PHYKPL: variants seen among roughly 807,000 people sequenced by gnomAD.
PHYKPL encodes the protein 5-phosphonooxy-L-lysine phospho-lyase.
Under a neutral mutation model 51.3 loss-of-function variants are expected in PHYKPL, and 42 were observed. The ratio of observed to expected loss-of-function variants is 0.82; its 90% CI spans 0.64 to 1.06. PHYKPL has a LOEUF of 1.06. Among genes scored for constraint, PHYKPL ranks in the 50% least tolerant of loss-of-function variants. The pLI is 0.00. For missense variants in PHYKPL, 655 were observed against 586.6 expected (o/e 1.12, Z -1.20); for synonymous variants, 264 against 236.0 (o/e 1.12, Z -1.09).
chr5:178,211,795 G>A, intron 12 of PHYKPL, 95 bp downstream of exon 12: 2 of 815,160 alleles, frequency 2.5e-6, no homozygotes, highest in Non-Finnish European at 4.0e-6. Flanking sequence ...ACAAAAAAAA[G>A]TCTTAAAAAA....
rs2913859 is a variant in PHYKPL, at chr5:178,232,630, G to T, written c.-80C>A. ...GCTGGGCCTCCAAGGCCCCGCTCCG[G>T]GCCCCGCCCCTGCCTGGGTCGGGAT... On this transcript the variant is annotated 5_prime_UTR_variant, in exon 1 of 13. Transcript: ENST00000308158. The T allele has an allele frequency of 8.1e-7, 1 of 1,227,588 alleles. No homozygotes were observed. The highest frequency in any genetic ancestry group is 3.2e-5 in the East Asian group (1 of 31,000). 76.0% of individuals were successfully genotyped at this position (1,227,588 alleles called of 1,614,324 possible). A position where few individuals can be genotyped will look rare whatever the true frequency, so the allele number is the denominator to read the frequency against.
chr5:178,229,925 C>T lies in PHYKPL; in HGVS notation c.338+15G>A, dbSNP rs1763044909. ...GTCTCACCCTCTTCCCGGGGGCTGG[C>T]CACAGTCCACTTACCCAGAATTCAG... is the stretch of plus-strand genomic sequence containing the variant. On this transcript the variant is annotated intron_variant, in intron 3 of 12. Transcript: ENST00000308158. 21 of 1,611,186 alleles carry T rather than the reference C, an allele frequency of 1.3e-5. No homozygotes were observed. Among genetic ancestry groups the T allele is most frequent in the Non-Finnish European group, 1.7e-5 (20 of 1,177,582 alleles).
chr5:178,222,912 G>C lies in PHYKPL; in HGVS notation c.641C>G (p.Ser214Cys). Reference sequence around the variant, plus strand: ...GATCTGCCCTCCCACACTGGGCAGAGACTCAGCGAAGAAGGCTGCAATCTG... The same window carrying C: ...GATCTGCCCTCCCACACTGGGCAGACACTCAGCGAAGAAGGCTGCAATCTG... ...GRKIAAFFAESLPSVGGQIIP... is the reference protein window; with the variant it reads ...GRKIAAFFAECLPSVGGQIIP... The change falls in exon 7 of 13, where the codon TCT (serine) becomes TGT (cysteine). Residue 214 changes from serine (S) to cysteine (C), a missense_variant. Ser to Cys is a moderately radical substitution (Grantham distance 112). Transcript: ENST00000308158. The C allele has an allele frequency of 6.2e-7, 1 of 1,614,184 alleles. No homozygotes were observed. The highest frequency in any genetic ancestry group is 8.5e-7 in the Non-Finnish European group (1 of 1,180,028).
intron 11 of PHYKPL, 128 bp downstream of exon 11, chr5:178,212,845 C>T (rs1250533505): frequency 4.5e-6 from 6 of 1,324,192 alleles, no homozygotes; most frequent in Non-Finnish European, 6.1e-6. Context: ...TTGCTCCCTG[C>T]CCTGTCCAGA....
At chr5:178,209,032 C>T (rs1045835843) in intron 12 of PHYKPL, 117 bp from the exon 13 acceptor site, 1 of 354,306 alleles carries the variant, frequency 2.8e-6, no homozygotes, top group African/African-American at 2.1e-5. Context: ...AGCCTGTCCT[C>T]TGCTCCCCTG....
intron 6 of PHYKPL, chr5:178,223,827 A>C: frequency 3.1e-5 from 7 of 223,254 alleles, no homozygotes; most frequent in South Asian, 5.1e-5. Flanking sequence ...CTGCGCCTCC[A>C]CTCCATCTCC....
At position 178,224,526 on chromosome 5, in the gene PHYKPL, C is replaced by G; in HGVS notation, c.540G>C (p.Glu180Asp). ...AGGCCATAGCTGGGTTGGGGTGGTC[C>G]TCCCGGTAGGGGCCCCGGTAGGTGT... ...LPDTYRGPYR[E>D]DHPNPAMAYA... Residue 180 changes from glutamate (E) to aspartate (D), a missense_variant, in exon 6 of 13, where the codon GAG (glutamate) becomes GAC (aspartate). Coordinates refer to ENST00000308158, the MANE Select transcript of PHYKPL (RefSeq NM_153373.4). The G allele has an allele frequency of 6.2e-7, 1 of 1,614,066 alleles. No individual in the cohort carries two copies. Among genetic ancestry groups the G allele is most frequent in the South Asian group, 1.1e-5 (1 of 91,062 alleles).
intron 12 of PHYKPL, chr5:178,210,175 C>T (rs1554103756): frequency 6.2e-7 from 1 of 1,613,778 alleles, no homozygotes; most frequent in South Asian, 1.1e-5. Context: ...ACTACTGGAA[C>T]CAGGGCTACG....
intron 3 of PHYKPL, chr5:178,225,682 T>C: frequency 1.9e-6 from 1 of 524,624 alleles, no homozygotes; most frequent in Non-Finnish European, 3.4e-6. Flanking sequence ...GAAAGTTGTT[T>C]TGAAAAAACC....
intron 12 of PHYKPL, 90 bp from the exon 13 acceptor site, chr5:178,209,005 G>A (rs142333197): frequency 7.1e-6 from 2 of 282,562 alleles, no homozygotes; most frequent in East Asian, 1.6e-4. Context: ...CAGGACCAAG[G>A]TGTGGTGCCT....
rs1281604329 is a variant in PHYKPL at position 178,215,283 on chromosome 5, C to G, written c.1075G>C (p.Asp359His). The G allele has an allele frequency of 1.2e-6, 2 of 1,614,048 alleles. No homozygotes were observed. Among genetic ancestry groups the G allele is most frequent in the Non-Finnish European group, 1.7e-6 (2 of 1,179,976 alleles). Residue 359 changes from aspartate to histidine, a missense_variant, in exon 9 of 13, where the codon GAT (aspartate) becomes CAT (histidine). Transcript: ENST00000308158. ...CTGCCCCCAGAGCCTCACCTGACAT[C>G]CCCGACGATGGGATGTTTGATTTTT... ...QQKIKHPIVG[D>H]VRGVGLFIGV...
Position 178,213,006 on chromosome 5 carries a change from G to A in PHYKPL, c.1270C>T (p.Gln424Ter), listed in dbSNP as rs752696780. 10 of 1,614,038 alleles carry A rather than the reference G, an allele frequency of 6.2e-6. No individual in the cohort carries two copies. In the African/African-American group the frequency reaches 1.1e-4, roughly 17 times the overall value. ...ATGGCATCCAGCTTTGCCACCACCT[G>A]CCGTGCATTGTCCAGGCTGAAGCAC... ...PMCFSLDNAR[Q>*]VVAKLDAILT... The change falls in exon 11 of 13, where the codon CAG (glutamine) becomes TAG (stop). Residue 424 changes from glutamine to a stop codon, truncating the protein, a stop_gained. Transcript: ENST00000308158. LOFTEE classifies it high-confidence loss of function.
In PHYKPL at chr5:178,232,416, GCGTGCGTGCGT is replaced by G. The variant is rs1328181740; in HGVS notation, c.59+65_59+75del. On this transcript the variant is annotated intron_variant, in intron 1 of 12. Coordinates refer to ENST00000308158, the MANE Select transcript of PHYKPL (RefSeq NM_153373.4). ...AGCCGGAGGCGCGTGCGTAGTGCGT[GCGTGCGTGCGT>G]CGTGCGTGCGCGTGCCTCTCCGCGC... 1.7e-3 allele frequency: 2,376 copies of G among 1,358,352 alleles called. 43 individuals are homozygous for G. In the African/African-American group the frequency reaches 0.032, roughly 18 times the overall value. 84.1% of individuals were successfully genotyped at this position (1,358,352 alleles called of 1,614,324 possible).
intron 8 of PHYKPL, among the ~76,000 whole-genome samples, chr5:178,218,314 A>T (rs1760383817): frequency 6.6e-6 from 1 of 151,894 alleles, no homozygotes; most frequent in Admixed American, 6.5e-5. Context: ...CCAGAAGGAG[A>T]GGAAAGGGGC....
chr5:178,213,007 C>G lies in PHYKPL; in HGVS notation c.1269G>C (p.Arg423=). Residue 423 remains arginine, a synonymous_variant, in exon 11 of 13, where the codon CGG becomes CGC. Transcript: ENST00000308158. ...TGGCATCCAGCTTTGCCACCACCTG[C>G]CGTGCATTGTCCAGGCTGAAGCACA... ...PPMCFSLDNA[R]QVVAKLDAIL... 6.2e-7 allele frequency: 1 copy of G among 1,614,162 alleles called. No individual in the cohort carries two copies. Among genetic ancestry groups the G allele is most frequent in the Non-Finnish European group, 8.5e-7 (1 of 1,180,014 alleles).
In PHYKPL at chr5:178,209,393, C is replaced by T. The variant is rs762962350; in HGVS notation, c.*32-478G>A. On this transcript the variant is annotated intron_variant, in intron 12 of 12. Coordinates refer to ENST00000308158, the MANE Select transcript of PHYKPL (RefSeq NM_153373.4). ...GCAGCAGCAGTATGGCTCTGGGGGC[C>T]GTGGAAACCGCAACCGAGGGAACCG... The T allele has an allele frequency of 2.9e-5, 47 of 1,613,952 alleles. No homozygotes were observed. Among genetic ancestry groups the T allele is most frequent in the East Asian group, 1.3e-4 (6 of 44,888 alleles).
At chr5:178,225,455 TGA>T in intron 3 of PHYKPL, 26 bp from the exon 4 acceptor site, 2 of 1,613,372 alleles carry the variant, frequency 1.2e-6, no homozygotes, top group South Asian at 2.2e-5. Context: ...TGGGCATGAC[TGA>T]GAGAGTAGTC....
chr5:178,223,605 T>C, intron 6 of PHYKPL: 1 of 396,448 alleles, frequency 2.5e-6, no homozygotes, highest in Non-Finnish European at 5.1e-6. Context: ...TTAGGTTTTA[T>C]AGAAGTGGTC....
chr5:178,218,631 C>A (rs1001953759), intron 8 of PHYKPL, among the ~76,000 whole-genome samples: 3 of 152,178 alleles, frequency 2.0e-5, no homozygotes, highest in Admixed American at 6.5e-5. Context: ...AGATTTGCAG[C>A]CTTCAGAACA....
Sources: allele counts gnomAD v4.1 joint callset (sites outside exome capture counted in the v4.1 genomes callset), GRCh38; gene constraint gnomAD v4.1.1; transcripts MANE v1.5; gene names NCBI Gene and HGNC (gene_info 2026-07-23, HGNC 2026-07-21).